The following SLC35F3 variants were observed in gnomAD, a reference collection of about 807,000 sequenced individuals.
The protein encoded by SLC35F3 is putative thiamine transporter SLC35F3.
In SLC35F3, 25 loss-of-function variants were observed where a neutral mutation model predicts 49.9. The ratio of observed to expected loss-of-function variants is 0.50; its 90% CI spans 0.37 to 0.70. The LOEUF (loss-of-function observed/expected upper bound fraction) is 0.70, where lower values mean the gene tolerates loss of function less well. Among genes scored for constraint, SLC35F3 ranks in the 30% least tolerant of loss-of-function variants. The pLI, the probability that SLC35F3 is intolerant of heterozygous loss-of-function variation, is 0.00. For synonymous variants in SLC35F3, 275 were observed against 265.4 expected, an observed-to-expected ratio of 1.04 and a Z score of -0.35; for missense variants, 525 against 639.8, an observed-to-expected ratio of 0.82 and a Z score of 1.94.
chr1:234,072,361 C>T (rs1664727358), intron 2 of SLC35F3, among the ~76,000 whole-genome samples: 2 of 152,122 alleles, frequency 1.3e-5, no homozygotes, highest in Non-Finnish European at 2.9e-5. Context: ...GTCATTGGGC[C>T]CTTAATTCAC....
intron 2 of SLC35F3, among the ~76,000 whole-genome samples, chr1:233,918,788 C>T (rs1467831460): frequency 1.9e-5 from 2 of 104,682 alleles, no homozygotes; most frequent in African/African-American, 5.7e-5. Context: ...TTCTCTCTCT[C>T]TCTCTCTCTT....
At chr1:234,106,848 C>T (rs917737205) in intron 2 of SLC35F3, among the ~76,000 whole-genome samples, 3 of 152,122 alleles carry the variant, frequency 2.0e-5, no homozygotes, top group African/African-American at 4.8e-5. Flanking sequence ...ACACAGAGGA[C>T]GGCCAAGTGG....
chr1:234,127,796 C>T (rs1372688622), intron 2 of SLC35F3, among the ~76,000 whole-genome samples: 1 of 152,052 alleles, frequency 6.6e-6, no homozygotes, highest in Non-Finnish European at 1.5e-5. Context: ...GATAATGTTC[C>T]CCTTTAGCAT....
At chr1:234,287,567 C>G (rs1376792244) in intron 3 of SLC35F3, among the ~76,000 whole-genome samples, 2 of 152,200 alleles carry the variant, frequency 1.3e-5, no homozygotes, top group Non-Finnish European at 2.9e-5. Flanking sequence ...GCACCTAACA[C>G]AAAGCAGTTC....
At chr1:234,242,469 C>T (rs1667568838) in intron 3 of SLC35F3, among the ~76,000 whole-genome samples, 1 of 152,206 alleles carries the variant, frequency 6.6e-6, no homozygotes, top group African/African-American at 2.4e-5. Flanking sequence ...TCGGAAAGCT[C>T]TTAATTATTT....
chr1:234,283,077 TTGAG>T (rs1668355038), intron 3 of SLC35F3, among the ~76,000 whole-genome samples: 2 of 152,146 alleles, frequency 1.3e-5, no homozygotes, highest in South Asian at 2.1e-4. Flanking sequence ...ATGTTAGTCT[TTGAG>T]TGAGCACATG....
chr1:233,986,914 C>G (rs558724937), intron 2 of SLC35F3, among the ~76,000 whole-genome samples: 1 of 152,338 alleles, frequency 6.6e-6, no homozygotes, highest in African/African-American at 2.4e-5. Flanking sequence ...ATTGGATCCT[C>G]TGTTTCCTCA....
chr1:234,051,664 T>A (rs1192134813), intron 2 of SLC35F3, among the ~76,000 whole-genome samples: 5 of 152,202 alleles, frequency 3.3e-5, no homozygotes, highest in Non-Finnish European at 7.3e-5. Flanking sequence ...TGGCCAGAAC[T>A]TCCAACACTA....
intron 2 of SLC35F3, among the ~76,000 whole-genome samples, chr1:233,906,449 A>T (rs890986471): frequency 4.6e-5 from 7 of 152,326 alleles, no homozygotes; most frequent in Admixed American, 4.6e-4. Context: ...TTATGTCACC[A>T]GGACTAATTT....
chr1:233,923,749 G>C lies in SLC35F3; in HGVS notation c.283+17991G>C, dbSNP rs111608936. Reference sequence around the variant, plus strand: ...CCAGTTTTCAAAGGGAATGCTTCCAGTTTTTGCCCATTTAGTATGATATTG... The same window carrying C: ...CCAGTTTTCAAAGGGAATGCTTCCACTTTTTGCCCATTTAGTATGATATTG... On this transcript the variant is annotated intron_variant, in intron 2 of 7. Coordinates refer to ENST00000366618, the MANE Select transcript of SLC35F3 (RefSeq NM_173508.4). 6.0e-3 allele frequency among the ~76,000 whole-genome samples: 915 copies of C among 152,262 alleles called. 9 individuals carry two copies. The highest frequency in any genetic ancestry group is 0.021 in the African/African-American group (857 of 41,540).
chr1:234,103,716 A>G (rs909093364), intron 2 of SLC35F3, among the ~76,000 whole-genome samples: 1 of 152,222 alleles, frequency 6.6e-6, no homozygotes, highest in South Asian at 2.1e-4. Context: ...CTTTGGTGAC[A>G]GAAACACCCT....
chr1:234,065,768 C>T (rs1160767635), intron 2 of SLC35F3, among the ~76,000 whole-genome samples: 1 of 152,188 alleles, frequency 6.6e-6, no homozygotes, highest in Non-Finnish European at 1.5e-5. Context: ...ATGAGCACAA[C>T]ATTTATTTAC....
intron 2 of SLC35F3, among the ~76,000 whole-genome samples, chr1:234,041,526 C>G (rs1164773370): frequency 6.6e-6 from 1 of 151,994 alleles, no homozygotes; most frequent in East Asian, 1.9e-4. Flanking sequence ...ATACATGCAG[C>G]TATCCATCTA....
intron 2 of SLC35F3, among the ~76,000 whole-genome samples, chr1:234,184,619 G>A (rs1271388543): frequency 6.6e-6 from 1 of 152,158 alleles, no homozygotes; most frequent in Non-Finnish European, 1.5e-5. Flanking sequence ...CAGAGCAGGT[G>A]GGAGGAGTGT....
intron 3 of SLC35F3, among the ~76,000 whole-genome samples, chr1:234,236,926 TA>T (rs1467568762): frequency 7.7e-3 from 13 of 1,686 alleles, no homozygotes; most frequent in African/African-American, 0.018. Context: ...AAAAAAAAAT[TA>T]TATATATATA....
intron 2 of SLC35F3, among the ~76,000 whole-genome samples, chr1:234,163,012 A>G (rs41412544): frequency 0.082 from 12,412 of 152,064 alleles, 1,656 homozygotes; most frequent in African/African-American, 0.28. Context: ...CCTAGGTCCC[A>G]CTCTGCCCAT....
chr1:234,111,325 C>CT (rs1665402700), intron 2 of SLC35F3, among the ~76,000 whole-genome samples: 1 of 152,068 alleles, frequency 6.6e-6, no homozygotes, highest in Admixed American at 6.6e-5. Flanking sequence ...GAGTTTCGCT[C>CT]TTTTTGCCCA....
At position 234,320,059 on chromosome 1, in the gene SLC35F3, G is replaced by A. The variant is rs1657579888; in HGVS notation, c.1148-39G>A. 1 of 1,431,334 alleles carries A rather than the reference G, an allele frequency of 7.0e-7. No homozygotes were observed. Among genetic ancestry groups the A allele is most frequent in the Non-Finnish European group, 9.9e-7 (1 of 1,013,638 alleles). 88.7% of individuals were successfully genotyped at this position (1,431,334 alleles called of 1,614,324 possible). On this transcript the variant is annotated intron_variant, in intron 6 of 7. Coordinates refer to ENST00000366618, the MANE Select transcript of SLC35F3 (RefSeq NM_173508.4). This position sits in a 1 kb window ranked among gnomAD's most constrained non-coding sequence, Gnocchi z 4.8. The stretch of plus-strand genomic sequence containing the variant: ...CAGCAGGGAGGTAAAGTACACAGCA[G>A]TCATGAATAACACTCGTTGTTTACA...
chr1:234,126,392 A>G (rs1188674733), intron 2 of SLC35F3, among the ~76,000 whole-genome samples: 1 of 152,178 alleles, frequency 6.6e-6, no homozygotes, highest in Non-Finnish European at 1.5e-5. Context: ...GTTTCCACCA[A>G]TGGTAACATC....
Sources: gnomAD v4.1 joint callset for allele counts (sites outside exome capture counted in the v4.1 genomes callset) on GRCh38, gnomAD v4.1.1 for gene constraint, Gnocchi (gnomAD v3.1) non-coding constraint, MANE v1.5 for transcripts, NCBI Gene and HGNC (gene_info 2026-07-23, HGNC 2026-07-21) for gene names.